Variants in COL11A1 observed in about 807,000 individuals in gnomAD.
COL11A1 encodes the protein collagen type XI alpha 1 chain.
In COL11A1, 74 loss-of-function variants were observed where a neutral mutation model predicts 265.2. That is an observed-to-expected ratio of 0.28 (90% CI 0.23 to 0.34). The LOEUF is 0.34. Ranked by LOEUF, COL11A1 falls within the 10% of genes least tolerant of loss-of-function variation. The pLI is 1.00. For synonymous variants in COL11A1, 816 were observed against 727.6 expected, an observed-to-expected ratio of 1.12 and a Z score of -1.96; for missense variants, 2,165 against 2,263.6, an observed-to-expected ratio of 0.96 and a Z score of 0.88.
At chr1:102,929,819 T>C (rs1172912697) in intron 46 of COL11A1, among the ~76,000 whole-genome samples, 1 of 152,096 alleles carries the variant, frequency 6.6e-6, no homozygotes, top group African/African-American at 2.4e-5. Context: ...TCCTTGTAAG[T>C]TGGATTCCTA....
At chr1:103,018,956 A>C in intron 9 of COL11A1, 97 bp from the exon 10 acceptor site, 1 of 940,264 alleles carries the variant, frequency 1.1e-6, no homozygotes, top group Non-Finnish European at 1.7e-6. Context: ...TGCATATTAA[A>C]TAGTGAATTA....
intron 62 of COL11A1, among the ~76,000 whole-genome samples, chr1:102,888,055 T>C (rs1245894425): frequency 6.6e-6 from 1 of 152,172 alleles, no homozygotes; most frequent in African/African-American, 2.4e-5. Flanking sequence ...AGTATACATA[T>C]AGTTGGAAAG....
chr1:102,935,039 T>G lies in COL11A1; in HGVS notation c.3492+21A>C, dbSNP rs770480686. 1.2e-5 allele frequency: 19 copies of G among 1,613,054 alleles called. No homozygotes were observed. In the Admixed American group the frequency reaches 3.2e-4, roughly 27 times the overall value. On this transcript the variant is annotated intron_variant, in intron 45 of 66. Transcript: ENST00000370096. ...GGGAGCTGTAAGGATTTAGATTTGC[T>G]GAACAATGTGGAATACTCACAGCAA...
chr1:103,076,297 A>G (rs541655253), intron 3 of COL11A1, among the ~76,000 whole-genome samples: 2 of 152,108 alleles, frequency 1.3e-5, no homozygotes, highest in Admixed American at 6.6e-5. Context: ...ACAAGCTGCC[A>G]TCTCTCACAG....
Position 103,048,904 on chromosome 1 carries a change from C to T in COL11A1, c.652-17660G>A, listed in dbSNP as rs1347539609. Among the ~76,000 whole-genome samples, 9 of 152,156 alleles carry T rather than the reference C, an allele frequency of 5.9e-5. No individual in the cohort carries two copies. The South Asian group carries it at 6.2e-4, about 11-fold the overall frequency. On this transcript the variant is annotated intron_variant, in intron 4 of 66. Transcript: ENST00000370096. Reference sequence around the variant, plus strand: ...GTTGTTCAGTTTCCATGTAGTTGAGCGGTTTTGAGTGAGTTTCTTAATCCT... The same window carrying T: ...GTTGTTCAGTTTCCATGTAGTTGAGTGGTTTTGAGTGAGTTTCTTAATCCT...
intron 54 of COL11A1, among the ~76,000 whole-genome samples, chr1:102,908,182 G>T (rs946721037): frequency 6.6e-6 from 1 of 151,856 alleles, no homozygotes; most frequent in Non-Finnish European, 1.5e-5. Context: ...GTTTCATGGG[G>T]TATTTGTGTC....
intron 50 of COL11A1, 70 bp from the exon 51 acceptor site, chr1:102,914,881 G>A: frequency 7.8e-7 from 1 of 1,283,050 alleles, no homozygotes. Flanking sequence ...TTGCATAAAA[G>A]TTTATTAACC....
rs760610740 is a variant in COL11A1 at position 103,023,004 on chromosome 1, T to G, written c.991-8A>C. ...TTCTTCAACTGGATTTGGCTATTAA[T>G]TTAAATTGCAAGGAATTGAGGAACA... On this transcript the variant is annotated splice_polypyrimidine_tract_variant and splice_region_variant and intron_variant, in intron 7 of 66. Coordinates refer to ENST00000370096, the MANE Select transcript of COL11A1 (RefSeq NM_001854.4). The G allele has an allele frequency of 6.2e-7, 1 of 1,610,478 alleles. No homozygotes were observed. Among genetic ancestry groups the G allele is most frequent in the Non-Finnish European group, 8.5e-7 (1 of 1,178,042 alleles).
At chr1:102,878,475 C>CATATATATATATATATATATATATATAT (rs57574729) in intron 66 of COL11A1, among the ~76,000 whole-genome samples, 8 of 49,868 alleles carry the variant, frequency 1.6e-4, no homozygotes, top group South Asian at 1.5e-3. Context: ...ATTGAATCCT[C>CATATATATATATATATATATATATATAT]ATATATATAT....
chr1:103,106,133 A>T (rs1009748020), intron 1 of COL11A1, among the ~76,000 whole-genome samples: 13 of 152,302 alleles, frequency 8.5e-5, no homozygotes, highest in African/African-American at 3.1e-4. Context: ...GCTAGACTGA[A>T]AATAGAAAAT....
rs746752529 is a variant in COL11A1, at chr1:102,915,638, C to T, written c.3809G>A (p.Gly1270Asp). 3 of 1,613,272 alleles carry T rather than the reference C, an allele frequency of 1.9e-6. No individual in the cohort carries two copies. Among genetic ancestry groups the T allele is most frequent in the Non-Finnish European group, 2.5e-6 (3 of 1,179,282 alleles). The change falls in exon 50 of 67, where the codon GGT (glycine) becomes GAT (aspartate). Residue 1270 changes from glycine (G) to aspartate (D), a missense_variant. Gly to Asp is a moderately conservative substitution (Grantham distance 94, BLOSUM62 -1). Coordinates refer to ENST00000370096, the MANE Select transcript of COL11A1 (RefSeq NM_001854.4). ...AGNPGPPGEA[G>D]VGGPKGERGE... The stretch of plus-strand genomic sequence containing the variant: ...CAATAACACAGTACTTACGCCTACA[C>T]CTGCTTCCCCAGGAGGCCCTGGGTT...
At chr1:102,985,934 T>C (rs970167550) in intron 30 of COL11A1, among the ~76,000 whole-genome samples, 5 of 152,126 alleles carry the variant, frequency 3.3e-5, no homozygotes, top group African/African-American at 1.2e-4. Context: ...CAATGTTTTT[T>C]CAAAGTGTGA....
intron 42 of COL11A1, 151 bp from the exon 43 acceptor site, chr1:102,940,585 T>C (rs1658622321): frequency 1.6e-6 from 1 of 636,924 alleles, no homozygotes; most frequent in Admixed American, 3.0e-5. Context: ...CCTACCTTCA[T>C]TTGTGACTAA....
rs1671235371 is a variant in COL11A1 at position 103,067,333 on chromosome 1, A to C, written c.651+7285T>G. On this transcript the variant is annotated intron_variant, in intron 4 of 66. Transcript: ENST00000370096. Reference sequence around the variant, plus strand: ...ACAGAATTAGACACCAATACCAATAAGCTCTCTAAGAAAAGCTCAAGTATC... The same window carrying C: ...ACAGAATTAGACACCAATACCAATACGCTCTCTAAGAAAAGCTCAAGTATC... Among the ~76,000 whole-genome samples the C allele has an allele frequency of 3.9e-5, 6 of 151,992 alleles. No homozygotes were observed. In the South Asian group the frequency reaches 6.2e-4, roughly 16 times the overall value.
At chr1:102,909,640 A>AT (rs1654412914) in intron 54 of COL11A1, among the ~76,000 whole-genome samples, 1 of 152,102 alleles carries the variant, frequency 6.6e-6, no homozygotes, top group African/African-American at 2.4e-5. Flanking sequence ...ATTATATCTC[A>AT]TTTAACTAGA....
intron 1 of COL11A1, among the ~76,000 whole-genome samples, chr1:103,104,917 C>T (rs1171073143): frequency 1.3e-5 from 2 of 152,158 alleles, no homozygotes; most frequent in African/African-American, 4.8e-5. Flanking sequence ...GACCATTTCA[C>T]CTGCTGATCC....
intron 8 of COL11A1, among the ~76,000 whole-genome samples, chr1:103,022,155 C>T (rs192017390): frequency 0.037 from 5,596 of 151,768 alleles, 124 homozygotes; most frequent in Middle Eastern, 0.092. Context: ...AGCACCCGGC[C>T]GGCCATTTGT....
At chr1:103,038,873 CTG>C (rs1557981359) in intron 4 of COL11A1, among the ~76,000 whole-genome samples, 1 of 152,052 alleles carries the variant, frequency 6.6e-6, no homozygotes. Context: ...AAAAATATAT[CTG>C]TGAGATTTGG....
intron 46 of COL11A1, among the ~76,000 whole-genome samples, chr1:102,928,097 T>C (rs568993806): frequency 6.3e-4 from 95 of 151,768 alleles, no homozygotes; most frequent in African/African-American, 2.0e-3. Flanking sequence ...CCTTCTAATA[T>C]CTTACTTTTT....
Sources: allele counts gnomAD v4.1 joint callset (sites outside exome capture counted in the v4.1 genomes callset), GRCh38; gene constraint gnomAD v4.1.1; transcripts MANE v1.5; gene names NCBI Gene and HGNC (gene_info 2026-07-23, HGNC 2026-07-21).